The following KICS2 variants were observed in gnomAD, a reference collection of about 807,000 sequenced individuals.
KICS2 encodes KICSTOR complex protein C12orf66.
A neutral mutation model predicts 31.4 loss-of-function variants in KICS2; 13 were observed. The observed-to-expected ratio is 0.41, with a 90% CI of 0.27 to 0.66. The LOEUF is 0.66. KICS2 is among the 30% of genes least tolerant of loss of function. KICS2 has a pLI of 0.28. For synonymous variants in KICS2, 209 were observed against 214.8 expected, an observed-to-expected ratio of 0.97 and a Z score of 0.24; for missense variants, 455 against 545.4, an observed-to-expected ratio of 0.83 and a Z score of 1.65.
At chr12:64,204,608 G>A (rs573138360) in intron 2 of KICS2, among the ~76,000 whole-genome samples, 4 of 152,082 alleles carry the variant, frequency 2.6e-5, no homozygotes, top group Non-Finnish European at 4.4e-5. Context: ...GCAACACAGT[G>A]AGACCCCTGT....
chr12:64,214,485 C>A (rs2037610339), intron 2 of KICS2, among the ~76,000 whole-genome samples: 1 of 152,148 alleles, frequency 6.6e-6, no homozygotes, highest in South Asian at 2.1e-4. Context: ...ATTGCAAGTA[C>A]CAAAACCCTG....
At chr12:64,196,701 A>AT (rs2136690546) in intron 2 of KICS2, among the ~76,000 whole-genome samples, 1 of 137,884 alleles carries the variant, frequency 7.3e-6, no homozygotes, top group East Asian at 2.3e-4. Context: ...GAAAACTTTG[A>AT]AAAAAATTTA....
chr12:64,188,622 AGG>A (rs1264603359), downstream of KICS2, among the ~76,000 whole-genome samples: 1 of 152,036 alleles, frequency 6.6e-6, no homozygotes, highest in Non-Finnish European at 1.5e-5. Context: ...AAAAATGTGG[AGG>A]AAAATAAATA....
chr12:64,215,302 C>A (rs568250796), intron 2 of KICS2, among the ~76,000 whole-genome samples: 3 of 152,192 alleles, frequency 2.0e-5, no homozygotes, highest in South Asian at 2.1e-4. Context: ...ACAGAAAATA[C>A]AATAATACGT....
chr12:64,207,856 C>G (rs2037552612), intron 2 of KICS2, among the ~76,000 whole-genome samples: 1 of 152,122 alleles, frequency 6.6e-6, no homozygotes, highest in Non-Finnish European at 1.5e-5. Flanking sequence ...GATAGAACAA[C>G]AAAAGGACAT....
At chr12:64,211,550 C>T (rs1029036953) in intron 2 of KICS2, among the ~76,000 whole-genome samples, 1 of 152,018 alleles carries the variant, frequency 6.6e-6, no homozygotes, top group African/African-American at 2.4e-5. Context: ...ACCCCAGAGG[C>T]GGAAGTTGCG....
chr12:64,203,975 G>T (rs755433900), intron 2 of KICS2, among the ~76,000 whole-genome samples: 10 of 152,220 alleles, frequency 6.6e-5, no homozygotes, highest in Non-Finnish European at 1.2e-4. Flanking sequence ...CAGGGACACG[G>T]ATGAAGCTGT....
At chr12:64,188,758 A>G (rs1048770481), downstream of KICS2, among the ~76,000 whole-genome samples, 4 of 152,202 alleles carry the variant, frequency 2.6e-5, no homozygotes, top group Non-Finnish European at 4.4e-5. Context: ...TCAGGGTTAA[A>G]CCTAAGAGTC....
intron 2 of KICS2, among the ~76,000 whole-genome samples, chr12:64,196,527 C>CT (rs2037440814): frequency 2.6e-5 from 4 of 151,690 alleles, no homozygotes; most frequent in Admixed American, 2.6e-4. Context: ...ACTGGAAACT[C>CT]TAAAACGCAG....
In KICS2 at chr12:64,192,188, A is replaced by C. The variant is rs1333337448; in HGVS notation, c.*1654T>G. ...CACCCAGGCTGGAGTGCAGCTGCAC[A>C]GTCTCAGCTCACTGCATCCTCCACC... On this transcript the variant is annotated 3_prime_UTR_variant, in exon 3 of 3. Transcript: ENST00000398055. 2 of 150,742 alleles carry C rather than the reference A, an allele frequency of 1.3e-5. No individual in the cohort carries two copies. The highest frequency in any genetic ancestry group is 2.9e-5 in the Non-Finnish European group (2 of 67,904). The allele number at this position is 150,742 out of a possible 1,614,324, so 9.3% of individuals were successfully genotyped here.
downstream of KICS2, among the ~76,000 whole-genome samples, chr12:64,190,931 C>T (rs1186405280): frequency 6.6e-6 from 1 of 152,124 alleles, no homozygotes; most frequent in Non-Finnish European, 1.5e-5. Flanking sequence ...AACAAAGTTA[C>T]AAACCCTGTG....
chr12:64,211,297 C>G (rs1247762032), intron 2 of KICS2, among the ~76,000 whole-genome samples: 1 of 152,060 alleles, frequency 6.6e-6, no homozygotes, highest in Non-Finnish European at 1.5e-5. Flanking sequence ...ATATGCATAG[C>G]CTATTTCTCA....
In KICS2 at chr12:64,193,037, A is replaced by C; in HGVS notation, c.*805T>G. 8.1e-6 allele frequency: 8 copies of C among 985,474 alleles called. No individual in the cohort carries two copies. Among genetic ancestry groups the C allele is most frequent in the Non-Finnish European group, 8.4e-6 (7 of 829,930 alleles). 61.0% of individuals were successfully genotyped at this position (985,474 alleles called of 1,614,324 possible). ...CCAAGGAGTAGAGCCAAACATGTACATTTCAGCAGAAAAGTGATAAACAGA... is the reference window on the plus strand; with the variant it reads ...CCAAGGAGTAGAGCCAAACATGTACCTTTCAGCAGAAAAGTGATAAACAGA... On this transcript the variant is annotated 3_prime_UTR_variant, in exon 3 of 3. Coordinates refer to ENST00000398055, the MANE Select transcript of KICS2 (RefSeq NM_152440.5).
intron 2 of KICS2, among the ~76,000 whole-genome samples, chr12:64,209,762 A>G (rs1364817042): frequency 1.3e-5 from 2 of 152,228 alleles, no homozygotes; most frequent in African/African-American, 2.4e-5. Flanking sequence ...TCAAGGCCAG[A>G]GGTTTAGATT....
At position 64,212,709 on chromosome 12, in the gene KICS2, T is replaced by C. The variant is rs118111986; in HGVS notation, c.521+2969A>G. ...CTTGGATATATACCTAGGAGTAGAA[T>C]TGCTGATCATATGGTAACTATGTTC... On this transcript the variant is annotated intron_variant, in intron 2 of 2. Transcript: ENST00000398055. Among the ~76,000 whole-genome samples, 447 of 152,312 alleles carry C rather than the reference T, an allele frequency of 2.9e-3. 10 individuals are homozygous for C. The East Asian group carries it at 0.073, about 25-fold the overall frequency.
Position 64,192,805 on chromosome 12 carries a change from G to T in KICS2, c.*1037C>A. 4.1e-6 allele frequency: 4 copies of T among 985,406 alleles called. No homozygotes were observed. The highest frequency in any genetic ancestry group is 4.8e-6 in the Non-Finnish European group (4 of 829,946). 61.0% of individuals were successfully genotyped at this position (985,406 alleles called of 1,614,324 possible). A position where few individuals can be genotyped will look rare whatever the true frequency, so the allele number is the denominator to read the frequency against. On this transcript the variant is annotated 3_prime_UTR_variant, in exon 3 of 3. Transcript: ENST00000398055. ...AGTGCTGCTTCTAAACATAATTTGT[G>T]GGGGGCAGGCATGAAACCCAAGTTC...
At chr12:64,206,351 A>C in intron 2 of KICS2, among the ~76,000 whole-genome samples, 1 of 152,228 alleles carries the variant, frequency 6.6e-6, no homozygotes, top group East Asian at 1.9e-4. Context: ...TGACAAAACA[A>C]AATCTGTAAC....
At chr12:64,221,783 A>G in intron 1 of KICS2, 1 of 616,206 alleles carries the variant, frequency 1.6e-6, no homozygotes, top group Non-Finnish European at 2.8e-6. Flanking sequence ...CCCTGCAAAG[A>G]GCATCTACCC....
chr12:64,201,894 C>T (rs1365394016), intron 2 of KICS2, among the ~76,000 whole-genome samples: 1 of 152,118 alleles, frequency 6.6e-6, no homozygotes, highest in South Asian at 2.1e-4. Flanking sequence ...AAATAGCTAA[C>T]ACTTCAATCA....
Sources: allele counts gnomAD v4.1 joint callset (sites outside exome capture counted in the v4.1 genomes callset), GRCh38; gene constraint gnomAD v4.1.1; transcripts MANE v1.5; gene names NCBI Gene and HGNC (gene_info 2026-07-23, HGNC 2026-07-21).